The following PRKN variants were observed in gnomAD, a reference collection of about 807,000 sequenced individuals.
PRKN encodes E3 ubiquitin-protein ligase parkin.
PRKN carries 56 observed loss-of-function variants against 59.5 expected under a neutral mutation model. The ratio of observed to expected loss-of-function variants is 0.94; its 90% CI spans 0.76 to 1.18. PRKN has a LOEUF of 1.18. Among genes scored for constraint, PRKN ranks in the 50% most tolerant of loss-of-function variants. The pLI is 0.00. For missense variants in PRKN, 657 were observed against 596.4 expected, an observed-to-expected ratio of 1.10 and a Z score of -1.06; for synonymous variants, 250 against 222.1, an observed-to-expected ratio of 1.13 and a Z score of -1.12.
intron 2 of PRKN, among the ~76,000 whole-genome samples, chr6:162,335,334 A>G (rs1032530183): frequency 1.3e-5 from 2 of 152,018 alleles, no homozygotes; most frequent in Non-Finnish European, 2.9e-5. Context: ...GGGCCACTGC[A>G]CCTGACCTGT....
chr6:162,133,517 C>T (rs1781454007), intron 4 of PRKN, among the ~76,000 whole-genome samples: 1 of 152,080 alleles, frequency 6.6e-6, no homozygotes, highest in Non-Finnish European at 1.5e-5. Flanking sequence ...CCCCATCCTA[C>T]TATCCAATGG....
In PRKN at chr6:161,467,348, G is replaced by A. The variant is rs990278208; in HGVS notation, c.1084-80471C>T. Among the ~76,000 whole-genome samples, 1 of 152,080 alleles carries A rather than the reference G, an allele frequency of 6.6e-6. No homozygotes were observed. On this transcript the variant is annotated intron_variant, in intron 9 of 11. Transcript: ENST00000366898. The surrounding 1 kb of genome is among the most constrained non-coding windows in gnomAD (Gnocchi z 4.3). ...AATTTGATATAGACACATATAATAC[G>A]AACACGATTCTAGCCCTATGGAGTA... is the stretch of plus-strand genomic sequence containing the variant.
chr6:162,074,579 T>C (rs1778733233), intron 4 of PRKN, among the ~76,000 whole-genome samples: 1 of 151,462 alleles, frequency 6.6e-6, no homozygotes, highest in Non-Finnish European at 1.5e-5. Context: ...TGTATACGTA[T>C]GTAACTAACC....
chr6:162,505,593 A>C (rs1204847973), intron 1 of PRKN, among the ~76,000 whole-genome samples: 1 of 152,158 alleles, frequency 6.6e-6, no homozygotes, highest in East Asian at 1.9e-4. Context: ...AAGCTTCAAA[A>C]CCAAAATCTG....
At chr6:162,448,600 A>C (rs1053003546) in intron 1 of PRKN, among the ~76,000 whole-genome samples, 1 of 152,020 alleles carries the variant, frequency 6.6e-6, no homozygotes, top group Admixed American at 6.5e-5. Flanking sequence ...TTTCCCCTAC[A>C]AAAGAGGACA....
intron 1 of PRKN, among the ~76,000 whole-genome samples, chr6:162,479,371 G>T (rs1188127969): frequency 6.6e-6 from 1 of 151,956 alleles, no homozygotes; most frequent in Non-Finnish European, 1.5e-5. Flanking sequence ...GATTACAGGC[G>T]CATGCCAACA....
chr6:162,685,978 T>G (rs1282482930), intron 1 of PRKN, among the ~76,000 whole-genome samples: 1 of 152,132 alleles, frequency 6.6e-6, no homozygotes, highest in African/African-American at 2.4e-5. Flanking sequence ...CAAGCCTGTT[T>G]ATAGCGAACG....
At chr6:162,006,361 A>G (rs979302301) in intron 5 of PRKN, among the ~76,000 whole-genome samples, 29 of 152,200 alleles carry the variant, frequency 1.9e-4, no homozygotes, top group African/African-American at 5.5e-4. Context: ...TCTTTCAACA[A>G]TGTCAACCAG....
rs1777861211 is a variant in PRKN, at chr6:162,056,249, A to G, written c.535-2075T>C. Among the ~76,000 whole-genome samples, 1 of 151,490 alleles carries G rather than the reference A, an allele frequency of 6.6e-6. No individual in the cohort carries two copies. ...CCCACACGCCTAACACACCCCACAC[A>G]CATACATCCAAACACATACATGCAC... On this transcript the variant is annotated intron_variant, in intron 4 of 11. Coordinates refer to ENST00000366898, the MANE Select transcript of PRKN (RefSeq NM_004562.3). The surrounding 1 kb of genome is among the most constrained non-coding windows in gnomAD (Gnocchi z 4.9).
chr6:161,905,962 TA>T (rs1445202652), intron 6 of PRKN, among the ~76,000 whole-genome samples: 3 of 146,048 alleles, frequency 2.1e-5, no homozygotes, highest in East Asian at 2.0e-4. Context: ...CATTTTCAGG[TA>T]TTTTTTTCCT....
chr6:161,534,389 T>G (rs570269520), intron 9 of PRKN, among the ~76,000 whole-genome samples: 3 of 152,092 alleles, frequency 2.0e-5, no homozygotes, highest in Admixed American at 6.6e-5. Flanking sequence ...CAACGATGAG[T>G]GTGCTGAATG....
intron 2 of PRKN, among the ~76,000 whole-genome samples, chr6:162,303,512 T>G (rs1782058676): frequency 6.6e-6 from 1 of 152,162 alleles, no homozygotes; most frequent in African/African-American, 2.4e-5. Flanking sequence ...ATAAATTCAT[T>G]AATTAACAAA....
chr6:162,400,692 A>C (rs1239185254), intron 2 of PRKN, among the ~76,000 whole-genome samples: 2 of 152,144 alleles, frequency 1.3e-5, no homozygotes, highest in African/African-American at 2.4e-5. Flanking sequence ...TTTCTTTAAA[A>C]TGGGAGGTGA....
chr6:162,107,071 G>T (rs1331719603), intron 4 of PRKN, among the ~76,000 whole-genome samples: 1 of 152,138 alleles, frequency 6.6e-6, no homozygotes, highest in Non-Finnish European at 1.5e-5. Context: ...TGAGCGTAGG[G>T]TTAGAAGAAA....
chr6:161,883,041 AC>A (rs67238381), intron 6 of PRKN, among the ~76,000 whole-genome samples: 1 of 91,508 alleles, frequency 1.1e-5, no homozygotes, highest in African/African-American at 4.3e-5. Context: ...ACAAAAAAAA[AC>A]CAAAAAAACT....
intron 1 of PRKN, among the ~76,000 whole-genome samples, chr6:162,580,568 GA>G (rs35986286): frequency 0.39 from 55,874 of 144,524 alleles, 11,564 homozygotes; most frequent in African/African-American, 0.58. Context: ...GGCAAACAGA[GA>G]AAAAAAAAAA....
chr6:161,898,488 T>C lies in PRKN; in HGVS notation c.734+74814A>G, dbSNP rs546378677. ...CAAATGGATATAATTATCTTCATCG[T>C]GCAGCTGAGGAAACGGAGGCACATA... is the stretch of plus-strand genomic sequence containing the variant. On this transcript the variant is annotated intron_variant, in intron 6 of 11. Transcript: ENST00000366898. Among the ~76,000 whole-genome samples the C allele has an allele frequency of 4.6e-5, 7 of 152,334 alleles. No homozygotes were observed. In the South Asian group the frequency reaches 1.5e-3, roughly 32 times the overall value.
At chr6:162,103,888 T>C (rs561192983) in intron 4 of PRKN, among the ~76,000 whole-genome samples, 1 of 152,288 alleles carries the variant, frequency 6.6e-6, no homozygotes, top group South Asian at 2.1e-4. Context: ...GGCACTGTTC[T>C]CGAAAGAGCA....
chr6:161,573,755 A>ATAT (rs1434719917), intron 7 of PRKN, among the ~76,000 whole-genome samples: 1 of 30,354 alleles, frequency 3.3e-5, no homozygotes, highest in Non-Finnish European at 5.4e-5. Flanking sequence ...AAAAAAAAAA[A>ATAT]ATATATATAT....
Sources: allele counts gnomAD v4.1 joint callset (sites outside exome capture counted in the v4.1 genomes callset), GRCh38; gene constraint gnomAD v4.1.1; non-coding constraint Gnocchi (gnomAD v3.1); transcripts MANE v1.5; gene names NCBI Gene and HGNC (gene_info 2026-07-23, HGNC 2026-07-21).